Variants in IL27RA observed in about 807,000 individuals in gnomAD.
IL27RA encodes interleukin-27 receptor subunit alpha.
Under a neutral mutation model 80.8 loss-of-function variants are expected in IL27RA, and 61 were observed. The ratio of observed to expected loss-of-function variants is 0.76; its 90% CI spans 0.61 to 0.93. The LOEUF is 0.93. Ranked by LOEUF, IL27RA falls within the 40% of genes least tolerant of loss-of-function variation. The pLI, the probability that IL27RA is intolerant of heterozygous loss-of-function variation, is 0.00. For synonymous variants in IL27RA, 316 were observed against 332.5 expected (o/e 0.95, Z 0.54); for missense variants, 735 against 808.1 (o/e 0.91, Z 1.10).
intron 10 of IL27RA, 98 bp downstream of exon 10, chr19:14,049,412 A>G (rs1976125064): frequency 1.5e-6 from 2 of 1,298,790 alleles, no homozygotes; most frequent in South Asian, 3.0e-5. Flanking sequence ...TCTTTGGCCC[A>G]GGGACCATAC....
At chr19:14,048,661 A>C (rs1976107210) in intron 8 of IL27RA, among the ~76,000 whole-genome samples, 1 of 152,162 alleles carries the variant, frequency 6.6e-6, no homozygotes. Context: ...AGCCCTCAGC[A>C]TGACTAATGA....
intron 2 of IL27RA, among the ~76,000 whole-genome samples, chr19:14,039,051 G>A (rs567619176): frequency 1.8e-4 from 27 of 152,010 alleles, no homozygotes; most frequent in Middle Eastern, 3.4e-3. Context: ...TTGGGAGGCC[G>A]AGGTGTGTGC....
In IL27RA at chr19:14,052,350, C is replaced by T. The variant is rs937696368; in HGVS notation, c.*60C>T. ...AGAGGGATGCTCATGCAGGTTGCAC[C>T]CCAGTCCTGGATTAGCCCTCTTGAT... On this transcript the variant is annotated 3_prime_UTR_variant, in exon 14 of 14. Coordinates refer to ENST00000263379, the MANE Select transcript of IL27RA (RefSeq NM_004843.4). The T allele has an allele frequency of 2.3e-6, 3 of 1,332,502 alleles. No individual in the cohort carries two copies. In the African/African-American group the frequency reaches 4.5e-5, roughly 20 times the overall value. The allele number at this position is 1,332,502 out of a possible 1,614,324, so 82.5% of individuals were successfully genotyped here. A position where few individuals can be genotyped will look rare whatever the true frequency, so the allele number is the denominator to read the frequency against.
In IL27RA at chr19:14,052,460, A is replaced by T; in HGVS notation, c.*170A>T. 1.9e-6 allele frequency: 1 copy of T among 517,476 alleles called. No individual in the cohort carries two copies. Among genetic ancestry groups the T allele is most frequent in the East Asian group, 3.3e-5 (1 of 30,150 alleles). The allele number at this position is 517,476 out of a possible 1,614,324, so 32.1% of individuals were successfully genotyped here. On this transcript the variant is annotated 3_prime_UTR_variant, in exon 14 of 14. Transcript: ENST00000263379. ...GCAGAGCTGGGATTGAAGGACCCCTATAGAGAAGGGCTTGGCCCCCATGGG... is the reference window on the plus strand; with the variant it reads ...GCAGAGCTGGGATTGAAGGACCCCTTTAGAGAAGGGCTTGGCCCCCATGGG...
rs1229778482 is a variant in IL27RA at position 14,049,632 on chromosome 19, A to G, written c.1402+318A>G. The stretch of plus-strand genomic sequence containing the variant: ...GAGTCTCGCTTTGTCACCAGGCTGG[A>G]GTGCAATGGCACGATCTCAGCTCAC... On this transcript the variant is annotated intron_variant, in intron 10 of 13. Coordinates refer to ENST00000263379, the MANE Select transcript of IL27RA (RefSeq NM_004843.4). Among the ~76,000 whole-genome samples, 4 of 144,360 alleles carry G rather than the reference A, an allele frequency of 2.8e-5. No homozygotes were observed. The East Asian group carries it at 8.2e-4, about 29-fold the overall frequency. The allele number at this position is 144,360 out of a possible 152,430, so 94.7% of individuals were successfully genotyped here.
At chr19:14,045,600 C>CA (rs143735821) in intron 6 of IL27RA, among the ~76,000 whole-genome samples, 156 of 109,398 alleles carry the variant, frequency 1.4e-3, no homozygotes, top group East Asian at 2.0e-3. Context: ...GACTCTGTCT[C>CA]AAAAAAAAAA....
At chr19:14,032,885 TC>T (rs1975843373) in intron 2 of IL27RA, among the ~76,000 whole-genome samples, 2 of 147,100 alleles carry the variant, frequency 1.4e-5, no homozygotes. Context: ...ACTCCTCCAC[TC>T]CTTCAATTCT....
intron 4 of IL27RA, among the ~76,000 whole-genome samples, chr19:14,041,677 C>G (rs940021457): frequency 6.6e-6 from 1 of 152,180 alleles, no homozygotes; most frequent in Admixed American, 6.6e-5. Context: ...CACCTTTTCT[C>G]TGTCTGCTCG....
chr19:14,034,093 T>G (rs1380905431), intron 2 of IL27RA, among the ~76,000 whole-genome samples: 1 of 152,190 alleles, frequency 6.6e-6, no homozygotes, highest in Non-Finnish European at 1.5e-5. Flanking sequence ...AACCTGGTTT[T>G]TATTGCTGTG....
intron 8 of IL27RA, among the ~76,000 whole-genome samples, chr19:14,047,091 T>C (rs1320152476): frequency 6.6e-6 from 1 of 151,842 alleles, no homozygotes; most frequent in Non-Finnish European, 1.5e-5. Context: ...TGGCCCAGGC[T>C]AGAGTGCAAT....
intron 6 of IL27RA, among the ~76,000 whole-genome samples, chr19:14,045,557 C>G (rs568148579): frequency 6.7e-6 from 1 of 148,860 alleles, no homozygotes; most frequent in Non-Finnish European, 1.5e-5. Context: ...GCCGAGATGG[C>G]GCCACTGCAC....
intron 2 of IL27RA, among the ~76,000 whole-genome samples, chr19:14,037,498 G>A (rs573241370): frequency 2.0e-5 from 3 of 151,874 alleles, no homozygotes; most frequent in East Asian, 1.9e-4. Flanking sequence ...CAAGTGATCC[G>A]CCTGCCTCGG....
In IL27RA at chr19:14,046,308, C is replaced by T. The variant is rs766966794; in HGVS notation, c.923C>T (p.Pro308Leu). The T allele has an allele frequency of 1.8e-5, 29 of 1,613,872 alleles. No individual in the cohort carries two copies. In the South Asian group the frequency reaches 3.2e-4, roughly 18 times the overall value. Residue 308 changes from proline (P) to leucine (L), a missense_variant, in exon 7 of 14, where the codon CCT (proline) becomes CTT (leucine). Pro to Leu is a moderately conservative substitution (Grantham distance 98, BLOSUM62 -3). Transcript: ENST00000263379. ...GCTGTCAACGCCACAAGCTGGGAGCCTCTCACCAACCTCTCTTTGGTCTGC... is the reference window on the plus strand; with the variant it reads ...GCTGTCAACGCCACAAGCTGGGAGCTTCTCACCAACCTCTCTTTGGTCTGC... Reference protein sequence around the residue: ...VSAVNATSWEPLTNLSLVCLD... With the variant: ...VSAVNATSWELLTNLSLVCLD...
chr19:14,046,695 T>G, intron 8 of IL27RA, 77 bp downstream of exon 8: 1 of 1,386,068 alleles, frequency 7.2e-7, no homozygotes, highest in East Asian at 2.3e-5. Flanking sequence ...GAGGGAGTGC[T>G]ATGATTAAAG....
At chr19:14,040,462 ATTGT>A (rs751808913) in intron 4 of IL27RA, among the ~76,000 whole-genome samples, 9 of 152,062 alleles carry the variant, frequency 5.9e-5, no homozygotes, top group Non-Finnish European at 1.2e-4. Flanking sequence ...AGGCAGGAAG[ATTGT>A]TTGAGGTCAA....
chr19:14,031,818 G>C lies in IL27RA; in HGVS notation c.-55G>C, dbSNP rs1404614489. ...TACCCAGAGCTCGAAGAGGAGCAGC[G>C]CGGCCGCGCGGACCCGGCAAGGCTG... On this transcript the variant is annotated 5_prime_UTR_variant, in exon 1 of 14. Coordinates refer to ENST00000263379, the MANE Select transcript of IL27RA (RefSeq NM_004843.4). 6.9e-7 allele frequency: 1 copy of C among 1,440,728 alleles called. No homozygotes were observed. 89.2% of individuals were successfully genotyped at this position (1,440,728 alleles called of 1,614,324 possible).
intron 1 of IL27RA, 149 bp from the exon 2 acceptor site, chr19:14,032,237 C>T: frequency 5.5e-6 from 4 of 729,716 alleles, no homozygotes; most frequent in South Asian, 3.4e-5. Flanking sequence ...GCACGGAGCC[C>T]GGGCAGGGGT....
chr19:14,048,158 A>G (rs961367988), intron 8 of IL27RA, among the ~76,000 whole-genome samples: 4 of 147,652 alleles, frequency 2.7e-5, no homozygotes, highest in African/African-American at 1.0e-4. Flanking sequence ...GGGTTTCTCC[A>G]TGTTGCCCAG....
chr19:14,052,159 C>T lies in IL27RA; in HGVS notation c.1780C>T (p.Pro594Ser). The change falls in exon 14 of 14, where the codon CCG (proline) becomes TCG (serine). Residue 594 changes from proline (P) to serine (S), a missense_variant. Coordinates refer to ENST00000263379, the MANE Select transcript of IL27RA (RefSeq NM_004843.4). ...CCTGGAAGTGGAGGAGATGGAGCCCCCGCCGGTTATGGAGTCCTCCCAGCC... is the reference window on the plus strand; with the variant it reads ...CCTGGAAGTGGAGGAGATGGAGCCCTCGCCGGTTATGGAGTCCTCCCAGCC... ...PILEVEEMEP[P>S]PVMESSQPAQ... The T allele has an allele frequency of 6.2e-7, 1 of 1,613,398 alleles. No homozygotes were observed. Among genetic ancestry groups the T allele is most frequent in the Non-Finnish European group, 8.5e-7 (1 of 1,179,778 alleles).
Sources: allele counts gnomAD v4.1 joint callset (sites outside exome capture counted in the v4.1 genomes callset), GRCh38; gene constraint gnomAD v4.1.1; transcripts MANE v1.5; gene names NCBI Gene and HGNC (gene_info 2026-07-23, HGNC 2026-07-21).